The following NISCH variants were observed in gnomAD, a reference collection of about 807,000 sequenced individuals.
The protein encoded by NISCH is nischarin.
Under a neutral mutation model 138.4 loss-of-function variants are expected in NISCH, and 55 were observed. That is an observed-to-expected ratio of 0.40 (90% confidence interval 0.32 to 0.50). NISCH has a LOEUF of 0.50. NISCH is among the 20% of genes least tolerant of loss of function. The pLI is 0.71. For missense variants in NISCH, 1,643 were observed against 2,005.5 expected (o/e 0.82, Z 3.45); for synonymous variants, 860 against 861.5 (o/e 1.00, Z 0.03).
intron 9 of NISCH, 119 bp downstream of exon 9, chr3:52,477,761 C>A: frequency 1.2e-6 from 1 of 831,508 alleles, no homozygotes; most frequent in Non-Finnish European, 2.0e-6. Flanking sequence ...GGGTTGCTGT[C>A]TTCGCTTTAG....
intron 13 of NISCH, 51 bp from the exon 14 acceptor site, chr3:52,484,462 T>TTGGGGGGG: frequency 1.3e-5 from 10 of 788,666 alleles, no homozygotes; most frequent in African/African-American, 1.8e-5. Flanking sequence ...ACAGCCGCTC[T>TTGGGGGGG]CCCCGCCCCA....
chr3:52,487,370 C>G lies in NISCH; in HGVS notation c.1878C>G (p.Asn626Lys), dbSNP rs1707428928. 3 of 1,614,088 alleles carry G rather than the reference C, an allele frequency of 1.9e-6. No individual in the cohort carries two copies. The East Asian group carries it at 6.7e-5, about 36-fold the overall frequency. Residue 626 changes from asparagine (N) to lysine (K), a missense_variant, in exon 16 of 21, where the codon AAC becomes AAG. By Grantham distance (94) the Asn-to-Lys change is moderately conservative (BLOSUM62 0). Transcript: ENST00000345716. The surrounding 1 kb of genome is among the most constrained non-coding windows in gnomAD (Gnocchi z 9.1). ...RQLPAWIEAA[N>K]QREEGQGEQG... ...TGCCTGCCTGGATCGAGGCTGCCAA[C>G]CAGCGGGAGGAGGGCCAGGGTGAAC...
chr3:52,471,059 T>C (rs1706932558), intron 4 of NISCH, 152 bp downstream of exon 4: 1 of 746,494 alleles, frequency 1.3e-6, no homozygotes, highest in Non-Finnish European at 2.3e-6. Flanking sequence ...TTCAGTACTC[T>C]TGAGTACCAT....
rs759716150 is a variant in NISCH at position 52,489,608 on chromosome 3, C to T, written c.3386C>T (p.Pro1129Leu). 2.8e-5 allele frequency: 45 copies of T among 1,613,002 alleles called. No homozygotes were observed. Among genetic ancestry groups the T allele is most frequent in the South Asian group, 7.7e-5 (7 of 91,090 alleles). Reference protein sequence around the residue: ...NQIPSHLPACPSLRHVASLRG... With the variant: ...NQIPSHLPACLSLRHVASLRG... Reference sequence around the variant, plus strand: ...ATCCCCTCGCACTTGCCTGCCTGCCCGTCGCTCCGGCACGTCGCCAGCCTG... The same window carrying T: ...ATCCCCTCGCACTTGCCTGCCTGCCTGTCGCTCCGGCACGTCGCCAGCCTG... Residue 1129 changes from proline to leucine, a missense_variant, in exon 17 of 21, where the codon CCG becomes CTG. By Grantham distance (98) the Pro-to-Leu change is moderately conservative (BLOSUM62 -3). Coordinates refer to ENST00000345716, the MANE Select transcript of NISCH (RefSeq NM_007184.4).
intron 3 of NISCH, among the ~76,000 whole-genome samples, chr3:52,468,148 A>C (rs1706839396): frequency 6.6e-6 from 1 of 152,100 alleles, no homozygotes. Context: ...GATCCTAGCT[A>C]CTCAGGAGGC....
intron 3 of NISCH, among the ~76,000 whole-genome samples, chr3:52,460,771 T>G (rs2153230658): frequency 6.6e-6 from 1 of 152,312 alleles, no homozygotes; most frequent in South Asian, 2.1e-4. Context: ...TCTAGAAGGT[T>G]TACGTATACC....
rs989602173 is a variant in NISCH at position 52,487,038 on chromosome 3, C to T, written c.1704-158C>T. Among the ~76,000 whole-genome samples, 3 of 152,234 alleles carry T rather than the reference C, an allele frequency of 2.0e-5. No individual in the cohort carries two copies. The highest frequency in any genetic ancestry group is 7.2e-5 in the African/African-American group (3 of 41,458). On this transcript the variant is annotated intron_variant, in intron 15 of 20. Coordinates refer to ENST00000345716, the MANE Select transcript of NISCH (RefSeq NM_007184.4). This position sits in a 1 kb window ranked among gnomAD's most constrained non-coding sequence, Gnocchi z 9.1. ...CAGGCAGCACTGGCTCCCACCAGGGCCCTCATCCTGGGAACTGACTTGGCC... is the reference window on the plus strand; with the variant it reads ...CAGGCAGCACTGGCTCCCACCAGGGTCCTCATCCTGGGAACTGACTTGGCC...
intron 14 of NISCH, 117 bp downstream of exon 14, chr3:52,484,754 G>C (rs1323418823): frequency 8.3e-7 from 1 of 1,209,476 alleles, no homozygotes; most frequent in Non-Finnish European, 1.2e-6. Context: ...TCCAGGGTTT[G>C]GCGTCCTCTG....
At chr3:52,477,703 C>T (rs1707144641) in intron 9 of NISCH, 61 bp downstream of exon 9, 2 of 1,412,444 alleles carry the variant, frequency 1.4e-6, no homozygotes, top group South Asian at 2.3e-5. Flanking sequence ...CCTGAGATTT[C>T]AGGAGACTGA....
chr3:52,461,075 A>G (rs1473486995), intron 3 of NISCH, among the ~76,000 whole-genome samples: 1 of 152,196 alleles, frequency 6.6e-6, no homozygotes. Context: ...CCCTGTCGCT[A>G]CTAAAAATAC....
chr3:52,480,424 C>T, intron 13 of NISCH, 129 bp downstream of exon 13: 4 of 1,547,954 alleles, frequency 2.6e-6, no homozygotes, highest in Non-Finnish European at 3.5e-6. Context: ...AGGGCAGTGC[C>T]TTCTGCAGGC....
At chr3:52,480,733 A>T in intron 13 of NISCH, 1 of 1,413,484 alleles carries the variant, frequency 7.1e-7, no homozygotes, top group Non-Finnish European at 9.2e-7. Context: ...TCACTGCCTC[A>T]TCTCTGTGGG....
chr3:52,477,750 G>A, intron 9 of NISCH, 108 bp downstream of exon 9: 1 of 907,278 alleles, frequency 1.1e-6, no homozygotes. Flanking sequence ...TGTAAGGGCA[G>A]GGGTTGCTGT....
At chr3:52,482,989 T>G (rs1258832817) in intron 13 of NISCH, among the ~76,000 whole-genome samples, 1 of 152,124 alleles carries the variant, frequency 6.6e-6, no homozygotes, top group East Asian at 1.9e-4. Flanking sequence ...GTAGACTGTC[T>G]AGAGCAGAGA....
In NISCH at chr3:52,492,792, A is replaced by G. The variant is rs1334920219; in HGVS notation, c.*310A>G. The G allele has an allele frequency of 3.5e-5, 14 of 402,260 alleles. No homozygotes were observed. Among genetic ancestry groups the G allele is most frequent in the Non-Finnish European group, 6.3e-5 (14 of 222,922 alleles). 24.9% of individuals were successfully genotyped at this position (402,260 alleles called of 1,614,324 possible). A position where few individuals can be genotyped will look rare whatever the true frequency, so the allele number is the denominator to read the frequency against. On this transcript the variant is annotated 3_prime_UTR_variant, in exon 21 of 21. Transcript: ENST00000345716. ...CACTGTGGGTCTGACTTTCTCTTCT[A>G]CACGTCCTTTCCTGAAGTGTCGAGT...
At position 52,489,763 on chromosome 3, in the gene NISCH, C is replaced by G. The variant is rs1707512903; in HGVS notation, c.3456+85C>G. 8 of 1,533,036 alleles carry G rather than the reference C, an allele frequency of 5.2e-6. No individual in the cohort carries two copies. In the South Asian group the frequency reaches 8.8e-5, roughly 17 times the overall value. 95.0% of individuals were successfully genotyped at this position (1,533,036 alleles called of 1,614,324 possible). On this transcript the variant is annotated intron_variant, in intron 17 of 20. Transcript: ENST00000345716. ...CTTGGCTTCAGGTCAGCCTCAGGTC[C>G]CTGGACTTCCCTGATGTCGGAGTCC...
At position 52,487,183 on chromosome 3, in the gene NISCH, T is replaced by C; in HGVS notation, c.1704-13T>C. The C allele has an allele frequency of 6.2e-7, 1 of 1,604,766 alleles. No homozygotes were observed. Among genetic ancestry groups the C allele is most frequent in the Non-Finnish European group, 8.5e-7 (1 of 1,173,756 alleles). The stretch of plus-strand genomic sequence containing the variant: ...CTCCCAGCATGCCACTGACCTGGCC[T>C]CTCCCTGCACAGCCCAGAACATGCC... On this transcript the variant is annotated splice_polypyrimidine_tract_variant and intron_variant, in intron 15 of 20. Transcript: ENST00000345716. The surrounding 1 kb of genome is among the most constrained non-coding windows in gnomAD (Gnocchi z 9.1).
chr3:52,489,170 G>A (rs1559643964), intron 16 of NISCH, among the ~76,000 whole-genome samples, 166 bp from the exon 17 acceptor site: 2 of 152,174 alleles, frequency 1.3e-5, no homozygotes, highest in Non-Finnish European at 2.9e-5. Context: ...ATGAGCCACC[G>A]TGCCCGGCCG....
At chr3:52,483,386 C>T (rs986688235) in intron 13 of NISCH, among the ~76,000 whole-genome samples, 1 of 152,180 alleles carries the variant, frequency 6.6e-6, no homozygotes, top group African/African-American at 2.4e-5. Flanking sequence ...TCCTGTAGGC[C>T]TCAGTGAGAC....
Sources: gnomAD v4.1 joint callset for allele counts (sites outside exome capture counted in the v4.1 genomes callset) on GRCh38, gnomAD v4.1.1 for gene constraint, Gnocchi (gnomAD v3.1) non-coding constraint, MANE v1.5 for transcripts, NCBI Gene and HGNC (gene_info 2026-07-23, HGNC 2026-07-21) for gene names.